INTU: variants seen among roughly 807,000 people sequenced by gnomAD.
INTU encodes inturned planar cell polarity protein.
INTU carries 68 observed loss-of-function variants against 100.5 expected under a neutral mutation model. The observed-to-expected ratio is 0.68, with a 90% CI of 0.56 to 0.83. The LOEUF is 0.83. Among genes scored for constraint, INTU ranks in the 40% least tolerant of loss-of-function variants. The pLI is 0.00. For missense variants in INTU, 1,071 were observed against 1,114.7 expected, an observed-to-expected ratio of 0.96 and a Z score of 0.56; for synonymous variants, 357 against 395.7, an observed-to-expected ratio of 0.90 and a Z score of 1.16.
chr4:127,650,348 T>C (rs1271200774), intron 2 of INTU, among the ~76,000 whole-genome samples: 1 of 150,046 alleles, frequency 6.7e-6, no homozygotes, highest in Non-Finnish European at 1.5e-5. Context: ...GCATTAGGTA[T>C]ATCTCCCAAT....
chr4:127,647,162 T>C (rs1727629521), intron 2 of INTU, among the ~76,000 whole-genome samples: 1 of 152,250 alleles, frequency 6.6e-6, no homozygotes, highest in African/African-American at 2.4e-5. Context: ...CAAAGATTGC[T>C]TTGTATTACT....
chr4:127,681,178 C>T lies in INTU; in HGVS notation c.1182-3231C>T, dbSNP rs1335228346. ...ATATCATGAAAATGGCCATACTGCC[C>T]AAGGTAATTTATAGATTCAATGCCA... On this transcript the variant is annotated intron_variant, in intron 6 of 15. Transcript: ENST00000335251. 2.0e-5 allele frequency among the ~76,000 whole-genome samples: 3 copies of T among 152,134 alleles called. No individual in the cohort carries two copies. The East Asian group carries it at 5.8e-4, about 29-fold the overall frequency.
At chr4:127,677,409 G>C (rs900358330) in intron 6 of INTU, among the ~76,000 whole-genome samples, 2 of 150,642 alleles carry the variant, frequency 1.3e-5, no homozygotes, top group Non-Finnish European at 2.9e-5. Context: ...CAAAATTCCA[G>C]AGGAACGATC....
At chr4:127,666,478 G>A (rs1379710025) in intron 4 of INTU, among the ~76,000 whole-genome samples, 1 of 152,106 alleles carries the variant, frequency 6.6e-6, no homozygotes, top group African/African-American at 2.4e-5. Context: ...TTACTTGAGG[G>A]TATGGGCTTA....
intron 1 of INTU, among the ~76,000 whole-genome samples, chr4:127,640,542 CATATATAT>C (rs869116277): frequency 0.098 from 5,221 of 53,372 alleles, 299 homozygotes; most frequent in South Asian, 0.17. Flanking sequence ...GGTAAAGATA[CATATATAT>C]ATATATATAT....
At chr4:127,684,970 G>T (rs2126228801) in intron 7 of INTU, among the ~76,000 whole-genome samples, 1 of 151,880 alleles carries the variant, frequency 6.6e-6, no homozygotes, top group South Asian at 2.1e-4. Flanking sequence ...GTTTTTCTTT[G>T]CTTATAAGAC....
Position 127,718,421 on chromosome 4 carries a change from C to T in INTU, c.*1985C>T, listed in dbSNP as rs1731300354. On this transcript the variant is annotated 3_prime_UTR_variant, in exon 16 of 16. Transcript: ENST00000335251. ...CAGTTTGAAGTTTGGTAGTGTGATG[C>T]CTCCAGCTTTGATCTTTTGGCTTAG... 6.6e-6 allele frequency: 1 copy of T among 152,156 alleles called. No individual in the cohort carries two copies. 9.4% of individuals were successfully genotyped at this position (152,156 alleles called of 1,614,324 possible).
chr4:127,658,691 C>T (rs987917205), intron 3 of INTU, among the ~76,000 whole-genome samples: 5 of 152,026 alleles, frequency 3.3e-5, no homozygotes, highest in African/African-American at 1.2e-4. Context: ...TCACATTATA[C>T]TTATATTTAA....
chr4:127,691,962 G>GTGTGTGTATATATATATATATATATA lies in INTU; in HGVS notation c.1449+4096_1449+4097insGTGTGTATATATATATATATATATAT. Among the ~76,000 whole-genome samples, 130 of 98,240 alleles carry GTGTGTGTATATATATATATATATATA rather than the reference G, an allele frequency of 1.3e-3. 9 individuals carry two copies. The highest frequency in any genetic ancestry group is 4.9e-3 in the African/African-American group (121 of 24,918). The allele number at this position is 98,240 out of a possible 152,430, so 64.4% of individuals were successfully genotyped here. ...GGCGGAGTATAGTGTTCCATGGTAT[G>GTGTGTGTATATATATATATATATATA]TATATATATATATATATATGTCACA... On this transcript the variant is annotated intron_variant, in intron 8 of 15. Transcript: ENST00000335251.
rs565083269 is a variant in INTU, at chr4:127,647,153, A to G, written c.682+3097A>G. Among the ~76,000 whole-genome samples the G allele has an allele frequency of 3.3e-5, 5 of 152,336 alleles. No individual in the cohort carries two copies. In the South Asian group the frequency reaches 6.2e-4, roughly 19 times the overall value. On this transcript the variant is annotated intron_variant, in intron 2 of 15. Coordinates refer to ENST00000335251, the MANE Select transcript of INTU (RefSeq NM_015693.4). ...CGTGATTCCTTTTTTGGTGCATCAC[A>G]AAGATTGCTTTGTATTACTAGGCTA...
intron 5 of INTU, among the ~76,000 whole-genome samples, chr4:127,671,083 C>G (rs1186919033): frequency 6.6e-6 from 1 of 152,094 alleles, no homozygotes; most frequent in East Asian, 1.9e-4. Context: ...ACCTCAAAAG[C>G]AAATGCAACA....
At chr4:127,696,900 T>A (rs1730417484) in intron 8 of INTU, among the ~76,000 whole-genome samples, 1 of 152,190 alleles carries the variant, frequency 6.6e-6, no homozygotes, top group Non-Finnish European at 1.5e-5. Flanking sequence ...GTTCAAAATA[T>A]TTTAAGACCT....
chr4:127,672,818 CTT>C (rs1176755935), intron 5 of INTU, among the ~76,000 whole-genome samples: 1 of 152,146 alleles, frequency 6.6e-6, no homozygotes, highest in Admixed American at 6.5e-5. Context: ...ATTCCACACA[CTT>C]AAGTTCTCTT....
chr4:127,675,566 G>A (rs1310517061), intron 6 of INTU, among the ~76,000 whole-genome samples: 1 of 152,184 alleles, frequency 6.6e-6, no homozygotes, highest in East Asian at 1.9e-4. Flanking sequence ...GAATCCAGGA[G>A]TAATCTAGCA....
chr4:127,653,128 C>T (rs1231602345), intron 2 of INTU, among the ~76,000 whole-genome samples: 3 of 148,764 alleles, frequency 2.0e-5, no homozygotes, highest in African/African-American at 5.0e-5. Context: ...CTTTATTAGT[C>T]TTGCTAGTGG....
intron 3 of INTU, among the ~76,000 whole-genome samples, chr4:127,658,141 C>T (rs1227966844): frequency 3.3e-5 from 5 of 152,194 alleles, no homozygotes; most frequent in Admixed American, 2.6e-4. Flanking sequence ...TTCTGGGAAA[C>T]AAGGTTTCCC....
intron 1 of INTU, among the ~76,000 whole-genome samples, chr4:127,638,757 G>A (rs955735449): frequency 3.9e-5 from 6 of 152,070 alleles, no homozygotes; most frequent in Non-Finnish European, 7.4e-5. Context: ...GCCCTAAAAC[G>A]TTGCTGGCAG....
Position 127,706,844 on chromosome 4 carries a change from T to A in INTU, c.2146T>A (p.Ser716Thr). 1 of 1,614,096 alleles carries A rather than the reference T, an allele frequency of 6.2e-7. No homozygotes were observed. The highest frequency in any genetic ancestry group is 8.5e-7 in the Non-Finnish European group (1 of 1,179,994). The change falls in exon 12 of 16, where the codon TCT (serine) becomes ACT (threonine). Residue 716 changes from serine to threonine, a missense_variant. Transcript: ENST00000335251. ...TAGTCCTTCCTGTAGTAGTGGAGGA[T>A]CTGACAATGGTTGTGAAGGTGGAGA... is the stretch of plus-strand genomic sequence containing the variant. ...KPSPSCSSGG[S>T]DNGCEGGEDD...
chr4:127,664,058 C>T (rs989853568), intron 4 of INTU, among the ~76,000 whole-genome samples: 13 of 152,060 alleles, frequency 8.5e-5, no homozygotes, highest in African/African-American at 3.1e-4. Context: ...CTGTTACAAT[C>T]AATCCCCTCC....
Sources: gnomAD v4.1 joint callset for allele counts (sites outside exome capture counted in the v4.1 genomes callset) on GRCh38, gnomAD v4.1.1 for gene constraint, MANE v1.5 for transcripts, NCBI Gene and HGNC (gene_info 2026-07-23, HGNC 2026-07-21) for gene names.